MCUB: variants seen among roughly 807,000 people sequenced by gnomAD.
MCUB encodes the protein calcium uniporter regulatory subunit MCUb, mitochondrial.
A neutral mutation model predicts 41.4 loss-of-function variants in MCUB; 46 were observed. That is an observed-to-expected ratio of 1.11 (90% confidence interval 0.88 to 1.42). The LOEUF is 1.42. Among genes scored for constraint, MCUB ranks in the 40% most tolerant of loss-of-function variants. MCUB has a pLI of 0.00. For synonymous variants in MCUB, 148 were observed against 148.2 expected (o/e 1.00, Z 0.01); for missense variants, 403 against 404.9 (o/e 1.00, Z 0.04).
At chr4:109,650,717 G>C (rs1171421060) in intron 1 of MCUB, among the ~76,000 whole-genome samples, 1 of 152,134 alleles carries the variant, frequency 6.6e-6, no homozygotes, top group Non-Finnish European at 1.5e-5. Flanking sequence ...CTAATTTTTA[G>C]ACCTCATTAA....
chr4:109,563,080 C>T (rs1368826690), intron 1 of MCUB, among the ~76,000 whole-genome samples: 1 of 152,198 alleles, frequency 6.6e-6, no homozygotes, highest in Non-Finnish European at 1.5e-5. Flanking sequence ...TCCATGGCTC[C>T]TGCTGATGTT....
chr4:109,643,129 C>T (rs1458756339), intron 1 of MCUB, among the ~76,000 whole-genome samples: 1 of 151,818 alleles, frequency 6.6e-6, no homozygotes, highest in Non-Finnish European at 1.5e-5. Flanking sequence ...AACAACTTAC[C>T]ATTTTTTTAA....
intron 1 of MCUB, among the ~76,000 whole-genome samples, chr4:109,611,449 G>T (rs1375940782): frequency 6.6e-6 from 1 of 152,186 alleles, no homozygotes; most frequent in Non-Finnish European, 1.5e-5. Context: ...TAGCTTTATG[G>T]TGTATGTATT....
intron 4 of MCUB, among the ~76,000 whole-genome samples, chr4:109,665,500 AC>A (rs1405108104): frequency 3.3e-5 from 5 of 152,292 alleles, no homozygotes; most frequent in African/African-American, 1.2e-4. Context: ...ACCAAACTCT[AC>A]CAAAATTCAA....
At chr4:109,563,205 G>T (rs1231325538) in intron 1 of MCUB, among the ~76,000 whole-genome samples, 3 of 152,188 alleles carry the variant, frequency 2.0e-5, no homozygotes, top group African/African-American at 7.2e-5. Context: ...TACTTAGACT[G>T]AGAAACTCCC....
At chr4:109,625,428 A>G (rs1280587243) in intron 1 of MCUB, among the ~76,000 whole-genome samples, 1 of 152,202 alleles carries the variant, frequency 6.6e-6, no homozygotes, top group Non-Finnish European at 1.5e-5. Context: ...CACTTTCAGT[A>G]CAGTATTCAA....
chr4:109,683,028 A>C (rs1162259422), intron 5 of MCUB: 1 of 246,378 alleles, frequency 4.1e-6, no homozygotes, highest in Non-Finnish European at 7.7e-6. Flanking sequence ...TCCAGAGATC[A>C]GTCATAATGT....
chr4:109,673,610 G>A (rs1196068192), intron 4 of MCUB, among the ~76,000 whole-genome samples: 1 of 152,178 alleles, frequency 6.6e-6, no homozygotes, highest in Non-Finnish European at 1.5e-5. Flanking sequence ...AACTGAAAAT[G>A]AAATTTATAA....
rs531082273 is a variant in MCUB, at chr4:109,671,368, T to A, written c.451+6974T>A. 6.6e-5 allele frequency among the ~76,000 whole-genome samples: 10 copies of A among 152,334 alleles called. No individual in the cohort carries two copies. In the East Asian group the frequency reaches 1.9e-3, roughly 29 times the overall value. The stretch of plus-strand genomic sequence containing the variant: ...TAGTCCCATTATGCCTAAGTTACAC[T>A]TGTGCAATTGTCCCACAGTTCTTAG... On this transcript the variant is annotated intron_variant, in intron 4 of 7. Coordinates refer to ENST00000394650, the MANE Select transcript of MCUB (RefSeq NM_017918.5).
At chr4:109,610,678 C>T (rs1016694098) in intron 1 of MCUB, among the ~76,000 whole-genome samples, 4 of 152,130 alleles carry the variant, frequency 2.6e-5, no homozygotes, top group African/African-American at 7.2e-5. Flanking sequence ...GAAGTGCATC[C>T]TTAGGCGATT....
chr4:109,582,543 A>AT (rs1449997704), intron 1 of MCUB, among the ~76,000 whole-genome samples: 1 of 124,630 alleles, frequency 8.0e-6, no homozygotes, highest in African/African-American at 3.2e-5. Flanking sequence ...AAATTTAAAA[A>AT]AAAAATCACA....
chr4:109,662,412 T>A (rs536305334), intron 3 of MCUB, among the ~76,000 whole-genome samples: 1 of 152,286 alleles, frequency 6.6e-6, no homozygotes, highest in Admixed American at 6.5e-5. Flanking sequence ...TGTACTCAAT[T>A]AGTATTGAAG....
rs3214165 is a variant in MCUB, at chr4:109,685,238, C to CTT, written c.817-5_817-4dup. 11,227 of 862,198 alleles carry CTT rather than the reference C, an allele frequency of 0.013. No homozygotes were observed. The highest frequency in any genetic ancestry group is 0.021 in the South Asian group (1,277 of 60,630). 53.4% of individuals were successfully genotyped at this position (862,198 alleles called of 1,614,324 possible). Reference sequence around the variant, plus strand: ...AAACATGTTGTTTTCTTCTCTCTCTCTTTTTTTTTAAGGATTATACTTACT... The same window carrying CTT: ...AAACATGTTGTTTTCTTCTCTCTCTCTTTTTTTTTTTAAGGATTATACTTACT... On this transcript the variant is annotated splice_polypyrimidine_tract_variant and intron_variant, in intron 6 of 7. Transcript: ENST00000394650.
chr4:109,604,331 G>A (rs1043696830), intron 1 of MCUB, among the ~76,000 whole-genome samples: 161 of 152,038 alleles, frequency 1.1e-3, no homozygotes, highest in African/African-American at 3.8e-3. Context: ...ATTGTCCTGT[G>A]ACCCTGCCAA....
chr4:109,615,651 C>T (rs1282213050), intron 1 of MCUB, among the ~76,000 whole-genome samples: 2 of 151,986 alleles, frequency 1.3e-5, no homozygotes, highest in East Asian at 1.9e-4. Context: ...CCTTGTGATC[C>T]GCCCGCCTCG....
intron 1 of MCUB, among the ~76,000 whole-genome samples, chr4:109,611,763 G>T (rs1437503952): frequency 1.3e-5 from 2 of 152,026 alleles, no homozygotes; most frequent in Non-Finnish European, 2.9e-5. Flanking sequence ...ATGATTTGAA[G>T]TCCATTTCTT....
At chr4:109,677,802 ATTTTTTTTTTT>A (rs71595506) in intron 4 of MCUB, among the ~76,000 whole-genome samples, 1 of 86,588 alleles carries the variant, frequency 1.2e-5, no homozygotes, top group African/African-American at 4.7e-5. Context: ...AAGGAAACAA[ATTTTTTTTTTT>A]TTTTTTTTTT....
chr4:109,604,256 G>A (rs951141393), intron 1 of MCUB, among the ~76,000 whole-genome samples: 28 of 149,624 alleles, frequency 1.9e-4, no homozygotes, highest in Admixed American at 6.1e-4. Context: ...GCGGAAGGCC[G>A]CAGGGACCTC....
chr4:109,643,535 A>C (rs1451019783), intron 1 of MCUB, among the ~76,000 whole-genome samples: 1 of 128,448 alleles, frequency 7.8e-6, no homozygotes, highest in Admixed American at 8.4e-5. Context: ...ACAGAGTTCC[A>C]CTCTCGTCTC....
Sources: allele counts gnomAD v4.1 joint callset (sites outside exome capture counted in the v4.1 genomes callset), GRCh38; gene constraint gnomAD v4.1.1; transcripts MANE v1.5; gene names NCBI Gene and HGNC (gene_info 2026-07-23, HGNC 2026-07-21).